The following CELF2 variants were observed in gnomAD, a reference collection of about 807,000 sequenced individuals.
The protein encoded by CELF2 is CUGBP Elav-like family member 2.
Under a neutral mutation model 62.6 loss-of-function variants are expected in CELF2, and 8 were observed. That is an observed-to-expected ratio of 0.13 (90% CI 0.07 to 0.23). The LOEUF (loss-of-function observed/expected upper bound fraction) is 0.23. Among genes scored for constraint, CELF2 ranks in the 10% least tolerant of loss-of-function variants. CELF2 has a pLI of 1.00. For missense variants in CELF2, 333 were observed against 671.0 expected (o/e 0.50, Z 5.56); for synonymous variants, 258 against 250.0 (o/e 1.03, Z -0.30).
upstream of CELF2, chr10:11,005,076 C>G: frequency 7.1e-6 from 7 of 985,222 alleles, no homozygotes; most frequent in Non-Finnish European, 8.4e-6. The surrounding 1 kb of genome is among the most constrained non-coding windows in gnomAD (Gnocchi z 4.3). Flanking sequence ...TAATACCAGC[C>G]AGGCTTGAGT....
intron 2 of CELF2, among the ~76,000 whole-genome samples, chr10:11,189,585 A>C (rs764355622): frequency 5.3e-5 from 8 of 152,180 alleles, no homozygotes; most frequent in Admixed American, 3.3e-4. Flanking sequence ...GGTGAATTCT[A>C]ATGGCCCTCG....
chr10:10,477,351 C>T, the CELF2 span, among the ~76,000 whole-genome samples: 57 of 152,232 alleles, frequency 3.7e-4, no homozygotes, highest in Non-Finnish European at 4.3e-4. Context: ...CCAATACTGG[C>T]GCTGCCTTTG....
chr10:11,159,865 A>G lies in CELF2; in HGVS notation c.75-5621A>G, dbSNP rs2065299365. ...AAAAATGATTCCTGAGCCCTTTGAA[A>G]GAGTGGCTTGTTAGCTACAGAAATG... On this transcript the variant is annotated intron_variant, in intron 1 of 12. Coordinates refer to ENST00000633077, the MANE Select transcript of CELF2 (RefSeq NM_001326342.2). This position sits in a 1 kb window ranked among gnomAD's most constrained non-coding sequence, Gnocchi z 5.0. Among the ~76,000 whole-genome samples the G allele has an allele frequency of 6.6e-6, 1 of 152,214 alleles. No individual in the cohort carries two copies. The highest frequency in any genetic ancestry group is 1.5e-5 in the Non-Finnish European group (1 of 68,030).
intron 1 of CELF2, among the ~76,000 whole-genome samples, chr10:10,809,553 A>T (rs901265383): frequency 6.6e-6 from 1 of 152,224 alleles, no homozygotes; most frequent in Non-Finnish European, 1.5e-5. Context: ...TAATCTTCAG[A>T]CACTCTATAC....
intron 2 of CELF2, among the ~76,000 whole-genome samples, chr10:11,208,917 C>G (rs117435922): frequency 3.1e-3 from 471 of 152,302 alleles, no homozygotes; most frequent in Non-Finnish European, 5.6e-3. Flanking sequence ...TGTGATTCCA[C>G]AGGAAAGGCA....
At chr10:11,150,731 C>A (rs529167771) in intron 1 of CELF2, among the ~76,000 whole-genome samples, 16 of 152,348 alleles carry the variant, frequency 1.1e-4, no homozygotes, top group Non-Finnish European at 2.1e-4. Context: ...CTATGCAACA[C>A]TTAAATTATA....
At chr10:10,511,298 C>T in the CELF2 span, among the ~76,000 whole-genome samples, 3 of 152,020 alleles carry the variant, frequency 2.0e-5, no homozygotes, top group Non-Finnish European at 4.4e-5. Flanking sequence ...GTAATCCCAG[C>T]CACTGGAGAG....
chr10:10,980,542 C>T (rs1271646162), intron 2 of CELF2, among the ~76,000 whole-genome samples: 1 of 152,184 alleles, frequency 6.6e-6, no homozygotes, highest in Non-Finnish European at 1.5e-5. Context: ...TTAAAAACCT[C>T]CTGTTTCTTA....
At chr10:11,122,015 T>C (rs1303704621) in intron 1 of CELF2, among the ~76,000 whole-genome samples, 1 of 152,222 alleles carries the variant, frequency 6.6e-6, no homozygotes, top group Non-Finnish European at 1.5e-5. Context: ...GAGTTCATCT[T>C]AAAGAATCTG....
intron 1 of CELF2, among the ~76,000 whole-genome samples, chr10:11,160,980 T>C (rs570681319): frequency 2.0e-5 from 3 of 152,334 alleles, no homozygotes; most frequent in African/African-American, 7.2e-5. Flanking sequence ...TGCAAATCAC[T>C]GGGCCTTATA....
the CELF2 span, among the ~76,000 whole-genome samples, chr10:10,720,726 C>T: frequency 3.3e-4 from 50 of 152,348 alleles, no homozygotes; most frequent in Admixed American, 5.9e-4. Context: ...AAGCAACCCT[C>T]GTTAATCACG....
At chr10:10,530,125 G>C in the CELF2 span, among the ~76,000 whole-genome samples, 7 of 152,110 alleles carry the variant, frequency 4.6e-5, no homozygotes, top group Admixed American at 2.0e-4. Context: ...AGAATTCAGG[G>C]CTAGTCTGCA....
chr10:11,019,779 AGACC>A (rs1007399317), intron 1 of CELF2, among the ~76,000 whole-genome samples: 14 of 152,212 alleles, frequency 9.2e-5, no homozygotes, highest in African/African-American at 3.4e-4. Context: ...TTGTTTTAAG[AGACC>A]TCTGTCCTGT....
chr10:10,555,740 A>C, the CELF2 span, among the ~76,000 whole-genome samples: 1 of 152,134 alleles, frequency 6.6e-6, no homozygotes, highest in African/African-American at 2.4e-5. Context: ...ACACACACAC[A>C]TGCACTCACA....
intron 1 of CELF2, among the ~76,000 whole-genome samples, chr10:10,869,413 T>G (rs2060590307): frequency 6.6e-6 from 1 of 151,900 alleles, no homozygotes; most frequent in South Asian, 2.1e-4. Flanking sequence ...AATACAAAAA[T>G]TAATTGGGCA....
At chr10:10,508,183 T>A in the CELF2 span, among the ~76,000 whole-genome samples, 1 of 148,042 alleles carries the variant, frequency 6.8e-6, no homozygotes, top group Non-Finnish European at 1.5e-5. Flanking sequence ...AAAAAAAAAA[T>A]ATTCATGCTC....
chr10:11,321,648 G>C lies in CELF2; in HGVS notation c.1294+262G>C, dbSNP rs1442127496. The stretch of plus-strand genomic sequence containing the variant: ...TGCAGTGAGCCATGGTCATGCCTGT[G>C]ACTAGCCACTGCACTCCATTCGGGG... On this transcript the variant is annotated intron_variant, in intron 11 of 12. Transcript: ENST00000633077. The surrounding 1 kb of genome is among the most constrained non-coding windows in gnomAD (Gnocchi z 6.2). Among the ~76,000 whole-genome samples the C allele has an allele frequency of 6.6e-6, 1 of 152,186 alleles. No individual in the cohort carries two copies. Among genetic ancestry groups the C allele is most frequent in the Non-Finnish European group, 1.5e-5 (1 of 68,032 alleles).
intron 1 of CELF2, among the ~76,000 whole-genome samples, chr10:10,810,018 A>G (rs1219335341): frequency 6.6e-6 from 1 of 152,238 alleles, no homozygotes; most frequent in Admixed American, 6.5e-5. Context: ...CAGTTTTAGA[A>G]AGATTTAATT....
At chr10:10,857,649 G>GTGTATATATA (rs1554855649) in intron 1 of CELF2, among the ~76,000 whole-genome samples, 2 of 94,210 alleles carry the variant, frequency 2.1e-5, no homozygotes, top group East Asian at 3.6e-4. Context: ...CATATATATA[G>GTGTATATATA]TATATATATA....
Sources: allele counts gnomAD v4.1 joint callset (sites outside exome capture counted in the v4.1 genomes callset), GRCh38; gene constraint gnomAD v4.1.1; non-coding constraint Gnocchi (gnomAD v3.1); transcripts MANE v1.5; gene names NCBI Gene and HGNC (gene_info 2026-07-23, HGNC 2026-07-21).